Variants in ST6GALNAC3 observed in about 807,000 individuals in gnomAD.
ST6GALNAC3 encodes the protein alpha-N-acetylgalactosaminide alpha-2,6-sialyltransferase 3.
Under a neutral mutation model 32.7 loss-of-function variants are expected in ST6GALNAC3, and 25 were observed. The observed-to-expected ratio is 0.76, with a 90% CI of 0.56 to 1.07. The LOEUF (loss-of-function observed/expected upper bound fraction) is 1.07, where lower values mean the gene tolerates loss of function less well. Among genes scored for constraint, ST6GALNAC3 ranks in the 50% least tolerant of loss-of-function variants. The pLI is 0.00. For missense variants in ST6GALNAC3, 355 were observed against 382.4 expected, an observed-to-expected ratio of 0.93 and a Z score of 0.60; for synonymous variants, 129 against 133.1, an observed-to-expected ratio of 0.97 and a Z score of 0.21.
At chr1:76,597,340 T>C (rs1237702491) in intron 3 of ST6GALNAC3, among the ~76,000 whole-genome samples, 1 of 151,960 alleles carries the variant, frequency 6.6e-6, no homozygotes, top group African/African-American at 2.4e-5. Context: ...CAGTGGTGAG[T>C]TTCCTTCCCT....
Position 76,313,925 on chromosome 1 carries a change from T to G in ST6GALNAC3, c.139T>G (p.Trp47Gly). 6.2e-7 allele frequency: 1 copy of G among 1,613,630 alleles called. No individual in the cohort carries two copies. ...LNCFGQPGTK[W>G]IPFSYTYRRP... ...CTGCTTTGGACAACCTGGTACAAAG[T>G]GGATACCATTCTCCTACACATACAG... Residue 47 changes from tryptophan to glycine, a missense_variant, in exon 2 of 5, where the codon TGG becomes GGG. Coordinates refer to ENST00000328299, the MANE Select transcript of ST6GALNAC3 (RefSeq NM_152996.4).
At chr1:76,193,354 G>A (rs1207618980) in intron 1 of ST6GALNAC3, among the ~76,000 whole-genome samples, 1 of 152,142 alleles carries the variant, frequency 6.6e-6, no homozygotes, top group Non-Finnish European at 1.5e-5. Flanking sequence ...TTGTTTTGAA[G>A]TGTGTACATT....
chr1:76,346,884 T>G (rs1022123488), intron 2 of ST6GALNAC3, among the ~76,000 whole-genome samples: 5 of 152,152 alleles, frequency 3.3e-5, no homozygotes, highest in Non-Finnish European at 5.9e-5. Flanking sequence ...ACTAAATAAA[T>G]TACTATTATT....
chr1:76,330,561 C>T (rs770074850), intron 2 of ST6GALNAC3, among the ~76,000 whole-genome samples: 7 of 152,290 alleles, frequency 4.6e-5, no homozygotes, highest in East Asian at 1.9e-4. Flanking sequence ...CTTAGCCAAC[C>T]GTTCTGGAGG....
intron 3 of ST6GALNAC3, among the ~76,000 whole-genome samples, chr1:76,548,391 A>G (rs542849541): frequency 6.6e-6 from 1 of 152,228 alleles, no homozygotes; most frequent in East Asian, 1.9e-4. Flanking sequence ...CTCTGGTACC[A>G]TGGCTCAGCA....
intron 3 of ST6GALNAC3, among the ~76,000 whole-genome samples, chr1:76,586,423 G>A (rs893392966): frequency 1.3e-5 from 2 of 152,070 alleles, no homozygotes; most frequent in Admixed American, 6.6e-5. Flanking sequence ...TCAGTTTTAC[G>A]ACTGTTTTAT....
intron 1 of ST6GALNAC3, among the ~76,000 whole-genome samples, chr1:76,188,743 G>T (rs181368537): frequency 3.3e-5 from 5 of 152,122 alleles, no homozygotes; most frequent in Non-Finnish European, 5.9e-5. Flanking sequence ...AAAATAAAAT[G>T]AATTCATTAT....
intron 1 of ST6GALNAC3, among the ~76,000 whole-genome samples, chr1:76,249,692 A>G (rs1177044243): frequency 6.6e-6 from 1 of 152,318 alleles, no homozygotes; most frequent in African/African-American, 2.4e-5. Context: ...AACTGTTTTC[A>G]TAAGTGGCTG....
rs191077073 is a variant in ST6GALNAC3 at position 76,487,877 on chromosome 1, A to C, written c.623+75460A>C. 3.5e-3 allele frequency among the ~76,000 whole-genome samples: 527 copies of C among 152,062 alleles called. 3 individuals are homozygous for C. The highest frequency in any genetic ancestry group is 0.012 in the African/African-American group (506 of 41,468). On this transcript the variant is annotated intron_variant, in intron 3 of 4. Coordinates refer to ENST00000328299, the MANE Select transcript of ST6GALNAC3 (RefSeq NM_152996.4). ...GTGGTTTTGTCTACCTTGGTCTTTG[A>C]TGATGGTGATGTACAGATGGGGTTT...
chr1:76,453,113 G>C (rs1657527137), intron 3 of ST6GALNAC3, among the ~76,000 whole-genome samples: 1 of 152,018 alleles, frequency 6.6e-6, no homozygotes, highest in African/African-American at 2.4e-5. Flanking sequence ...TTTCTCTGTT[G>C]TCAGTTTTGA....
chr1:76,308,770 A>G (rs1157796841), intron 1 of ST6GALNAC3, among the ~76,000 whole-genome samples: 4 of 152,192 alleles, frequency 2.6e-5, no homozygotes, highest in Non-Finnish European at 4.4e-5. Flanking sequence ...TGGAAAGTGG[A>G]GAATATTTTA....
intron 2 of ST6GALNAC3, among the ~76,000 whole-genome samples, chr1:76,383,777 C>T (rs1354465427): frequency 6.6e-6 from 1 of 152,100 alleles, no homozygotes; most frequent in African/African-American, 2.4e-5. Context: ...GCAGGGTAAA[C>T]TATTAAAATG....
intron 3 of ST6GALNAC3, among the ~76,000 whole-genome samples, chr1:76,494,649 G>GCGCGCACACACACA (rs142496688): frequency 1.5e-5 from 1 of 67,702 alleles, no homozygotes; most frequent in African/African-American, 6.5e-5. Context: ...ATGTGTATGC[G>GCGCGCACACACACA]CACACACACA....
At chr1:76,486,381 G>A (rs1278516188) in intron 3 of ST6GALNAC3, among the ~76,000 whole-genome samples, 1 of 152,084 alleles carries the variant, frequency 6.6e-6, no homozygotes, top group Admixed American at 6.5e-5. Flanking sequence ...AGGTCTCTAA[G>A]GACTTGCTTT....
At chr1:76,285,276 GA>G (rs201435936) in intron 1 of ST6GALNAC3, among the ~76,000 whole-genome samples, 1 of 152,216 alleles carries the variant, frequency 6.6e-6, no homozygotes, top group African/African-American at 2.4e-5. Flanking sequence ...AAGAATGTGT[GA>G]AAAAAATAAC....
chr1:76,092,843 G>A (rs1010850928), intron 1 of ST6GALNAC3, among the ~76,000 whole-genome samples: 7 of 152,134 alleles, frequency 4.6e-5, no homozygotes, highest in African/African-American at 9.7e-5. Context: ...GGCGTCCAGC[G>A]TGACTGCCTG....
intron 1 of ST6GALNAC3, among the ~76,000 whole-genome samples, chr1:76,080,555 GAA>G (rs1406482104): frequency 6.7e-6 from 1 of 149,160 alleles, no homozygotes; most frequent in Non-Finnish European, 1.5e-5. Flanking sequence ...TAGAAGGAGG[GAA>G]AAAGAGAAGT....
chr1:76,357,130 CTT>C (rs55786044), intron 2 of ST6GALNAC3, among the ~76,000 whole-genome samples: 1 of 111,188 alleles, frequency 9.0e-6, no homozygotes, highest in African/African-American at 3.4e-5. Flanking sequence ...TTTTCTTTTT[CTT>C]TTTTTTTTTT....
chr1:76,473,771 A>G (rs1411228588), intron 3 of ST6GALNAC3, among the ~76,000 whole-genome samples: 1 of 152,094 alleles, frequency 6.6e-6, no homozygotes, highest in East Asian at 1.9e-4. Context: ...ATGTTATTTC[A>G]TCACTCTTCC....
Sources: allele counts gnomAD v4.1 joint callset (sites outside exome capture counted in the v4.1 genomes callset), GRCh38; gene constraint gnomAD v4.1.1; transcripts MANE v1.5; gene names NCBI Gene and HGNC (gene_info 2026-07-23, HGNC 2026-07-21).